The following ERN1 variants were observed in gnomAD, a reference collection of about 807,000 sequenced individuals.
ERN1 encodes endoplasmic reticulum to nucleus signaling 1.
A neutral mutation model predicts 113.1 loss-of-function variants in ERN1; 39 were observed. The observed-to-expected ratio is 0.34, with a 90% CI of 0.27 to 0.45. The LOEUF (loss-of-function observed/expected upper bound fraction) is 0.45, where lower values mean the gene tolerates loss of function less well. Among genes scored for constraint, ERN1 ranks in the 20% least tolerant of loss-of-function variants. The probability of loss-of-function intolerance (pLI) is 1.00; values close to 1 mark genes in which losing one functional copy is unlikely to be tolerated. For missense variants in ERN1, 976 were observed against 1,274.8 expected, an observed-to-expected ratio of 0.77 and a Z score of 3.57; for synonymous variants, 507 against 515.9, an observed-to-expected ratio of 0.98 and a Z score of 0.23.
intron 17 of ERN1, among the ~76,000 whole-genome samples, chr17:64,050,711 A>C (rs948182703): frequency 6.6e-6 from 1 of 152,232 alleles, no homozygotes; most frequent in African/African-American, 2.4e-5. Context: ...AGTCAGTCAG[A>C]CCCAAATCTG....
chr17:64,111,454 C>T (rs548157645), intron 1 of ERN1, among the ~76,000 whole-genome samples: 63 of 152,020 alleles, frequency 4.1e-4, no homozygotes, highest in Non-Finnish European at 5.6e-4. Flanking sequence ...CTCCTGGGTT[C>T]AAGCGATTCT....
At chr17:64,126,687 G>GA (rs11418239) in intron 1 of ERN1, among the ~76,000 whole-genome samples, 46,846 of 152,030 alleles carry the variant, frequency 0.31, 13,159 homozygotes, top group African/African-American at 0.75. Flanking sequence ...CAAACTCAAT[G>GA]AACATTCTAC....
rs866367246 is a variant in ERN1 at position 64,063,409 on chromosome 17, G to C, written c.1087+577C>G. 1.1e-4 allele frequency among the ~76,000 whole-genome samples: 17 copies of C among 152,134 alleles called. No individual in the cohort carries two copies. Among genetic ancestry groups the C allele is most frequent in the Admixed American group, 2.0e-4 (3 of 15,274 alleles). ...GACAGGGCCTCTAGTTCAATCCCTG[G>C]CCATTAGTGATGGCAGCAAAAACAA... is the stretch of plus-strand genomic sequence containing the variant. On this transcript the variant is annotated intron_variant, in intron 10 of 21. Transcript: ENST00000433197. This position sits in a 1 kb window ranked among gnomAD's most constrained non-coding sequence, Gnocchi z 5.1.
intron 16 of ERN1, 102 bp downstream of exon 16, chr17:64,053,170 G>T: frequency 9.8e-7 from 1 of 1,023,778 alleles, no homozygotes; most frequent in Non-Finnish European, 1.4e-6. Flanking sequence ...ATAGCCAAGA[G>T]CTTGAACAGA....
chr17:64,116,292 G>C (rs1428769946), intron 1 of ERN1, among the ~76,000 whole-genome samples: 1 of 152,146 alleles, frequency 6.6e-6, no homozygotes, highest in Non-Finnish European at 1.5e-5. Flanking sequence ...AAGCCCCAGA[G>C]ATTTCCAAGC....
At chr17:64,066,306 T>TTG (rs1913222542) in intron 8 of ERN1, among the ~76,000 whole-genome samples, 1 of 152,024 alleles carries the variant, frequency 6.6e-6, no homozygotes, top group Non-Finnish European at 1.5e-5. Flanking sequence ...ATACCTTTAT[T>TTG]TGTGTGTGTG....
intron 1 of ERN1, among the ~76,000 whole-genome samples, chr17:64,107,414 T>G (rs1186158258): frequency 1.3e-5 from 2 of 152,136 alleles, no homozygotes; most frequent in African/African-American, 4.8e-5. Context: ...CTCGACCTCC[T>G]GGGCTCAAGC....
At chr17:64,050,801 C>T (rs196927) in intron 17 of ERN1, among the ~76,000 whole-genome samples, 146,162 of 152,292 alleles carry the variant, frequency 0.96, 70,449 homozygotes, top group East Asian at 1. Context: ...TTAAGTGTTA[C>T]GGCGTGCGTG....
chr17:64,049,814 T>C lies in ERN1; in HGVS notation c.2254-612A>G, dbSNP rs1392736716. Among the ~76,000 whole-genome samples, 1 of 152,230 alleles carries C rather than the reference T, an allele frequency of 6.6e-6. No individual in the cohort carries two copies. Among genetic ancestry groups the C allele is most frequent in the Non-Finnish European group, 1.5e-5 (1 of 68,040 alleles). ...ACCATTCTGTGTCTACAGAATAGCT[T>C]CCTTCGAGGGAAATGTACGTTTGTG... On this transcript the variant is annotated intron_variant, in intron 17 of 21. Coordinates refer to ENST00000433197, the MANE Select transcript of ERN1 (RefSeq NM_001433.5). The surrounding 1 kb of genome is among the most constrained non-coding windows in gnomAD (Gnocchi z 4.7).
chr17:64,082,248 C>G (rs1971298), intron 2 of ERN1, among the ~76,000 whole-genome samples: 69 of 152,100 alleles, frequency 4.5e-4, no homozygotes, highest in African/African-American at 1.6e-3. Context: ...ACTCACTAAA[C>G]CAAAAACACT....
chr17:64,089,392 T>C (rs1306547364), intron 2 of ERN1, among the ~76,000 whole-genome samples: 1 of 131,056 alleles, frequency 7.6e-6, no homozygotes, highest in East Asian at 2.5e-4. Flanking sequence ...AAATCCAAAA[T>C]CTGAAATGTT....
intron 16 of ERN1, 62 bp from the exon 17 acceptor site, chr17:64,053,041 G>T: frequency 2.4e-6 from 2 of 843,678 alleles, no homozygotes; most frequent in Admixed American, 2.3e-5. Flanking sequence ...CTCCTCCAAT[G>T]GGGAATGTGT....
chr17:64,112,294 G>A (rs1394140812), intron 1 of ERN1, among the ~76,000 whole-genome samples: 1 of 151,808 alleles, frequency 6.6e-6, no homozygotes, highest in Non-Finnish European at 1.5e-5. Flanking sequence ...CTTGAACCCA[G>A]GAGGTGGACA....
intron 1 of ERN1, among the ~76,000 whole-genome samples, chr17:64,105,811 C>T (rs2143470906): frequency 6.6e-6 from 1 of 152,192 alleles, no homozygotes; most frequent in East Asian, 1.9e-4. Flanking sequence ...ACTAAAAATA[C>T]AAAAATTAGC....
In ERN1 at chr17:64,060,521, T is replaced by G. The variant is rs1292013053; in HGVS notation, c.1154A>C (p.Lys385Thr). 6.2e-7 allele frequency: 1 copy of G among 1,613,878 alleles called. No homozygotes were observed. Among genetic ancestry groups the G allele is most frequent in the East Asian group, 2.2e-5 (1 of 44,900 alleles). ...AGCAGGAATCACATTTTCCCGATGT[T>G]TGGGTAGATTGTTGGGAAATCTCTC... is the stretch of plus-strand genomic sequence containing the variant. ...MLERFPNNLP[K>T]HRENVIPADS... The change falls in exon 11 of 22, where the codon AAA becomes ACA. Residue 385 changes from lysine to threonine, a missense_variant. This residue lies in a region of ERN1 where 459 missense variants were observed against 581.2 expected (regional missense o/e 0.79). Transcript: ENST00000433197.
intron 2 of ERN1, among the ~76,000 whole-genome samples, chr17:64,087,840 C>G (rs1913978984): frequency 1.3e-5 from 2 of 152,174 alleles, no homozygotes; most frequent in South Asian, 2.1e-4. Flanking sequence ...CACAGAGAGA[C>G]TGAAGGGAAA....
At chr17:64,106,715 T>TACACACACACAC (rs58544303) in intron 1 of ERN1, among the ~76,000 whole-genome samples, 1,130 of 103,392 alleles carry the variant, frequency 0.011, 70 homozygotes, top group East Asian at 0.029. Context: ...CAGGGTTTCT[T>TACACACACACAC]ACACACACAC....
intron 2 of ERN1, among the ~76,000 whole-genome samples, chr17:64,095,645 G>A (rs576933248): frequency 3.3e-5 from 5 of 151,954 alleles, no homozygotes; most frequent in Admixed American, 6.6e-5. Flanking sequence ...ATCGAAAAGC[G>A]AGCACCTGTT....
intron 6 of ERN1, among the ~76,000 whole-genome samples, chr17:64,071,658 G>A (rs1031592422): frequency 5.9e-5 from 9 of 152,132 alleles, no homozygotes; most frequent in African/African-American, 1.9e-4. Context: ...CTGACCTCAG[G>A]TGATCCACCT....
Sources: gnomAD v4.1 joint callset for allele counts (sites outside exome capture counted in the v4.1 genomes callset) on GRCh38, gnomAD v4.1.1 for gene constraint, gnomAD v4.1.1 regional missense constraint, Gnocchi (gnomAD v3.1) non-coding constraint, MANE v1.5 for transcripts, NCBI Gene and HGNC (gene_info 2026-07-23, HGNC 2026-07-21) for gene names.